Variants in CMSS1 observed in about 807,000 individuals in gnomAD.
CMSS1 encodes cms1 ribosomal small subunit homolog.
CMSS1 carries 33 observed loss-of-function variants against 43.5 expected under a neutral mutation model. The ratio of observed to expected loss-of-function variants is 0.76; its 90% CI spans 0.57 to 1.01. The LOEUF is 1.01. Ranked by LOEUF, CMSS1 falls within the 50% of genes least tolerant of loss-of-function variation. CMSS1 has a pLI of 0.00. For missense variants in CMSS1, 313 were observed against 326.4 expected (o/e 0.96, Z 0.32); for synonymous variants, 115 against 117.2 (o/e 0.98, Z 0.12).
chr3:99,852,619 T>C (rs1943756496), intron 1 of CMSS1, among the ~76,000 whole-genome samples: 2 of 152,156 alleles, frequency 1.3e-5, no homozygotes, highest in South Asian at 4.2e-4. Context: ...CTAATTTTTG[T>C]ATTTTTAGTA....
intron 1 of CMSS1, among the ~76,000 whole-genome samples, chr3:100,060,437 A>G (rs568558012): frequency 2.0e-5 from 3 of 152,254 alleles, no homozygotes; most frequent in African/African-American, 7.2e-5. Context: ...AAGTATGCCA[A>G]TGCCCTAAAC....
intron 1 of CMSS1, among the ~76,000 whole-genome samples, chr3:99,867,549 G>A (rs1174077520): frequency 1.3e-5 from 2 of 152,170 alleles, no homozygotes; most frequent in African/African-American, 4.8e-5. Context: ...TGATGGACAG[G>A]AAATGTTGGA....
chr3:99,877,443 T>C (rs1705572783), intron 1 of CMSS1, among the ~76,000 whole-genome samples: 1 of 152,184 alleles, frequency 6.6e-6, no homozygotes, highest in Non-Finnish European at 1.5e-5. Flanking sequence ...CAACATTAAA[T>C]GTATGTCCTC....
intron 1 of CMSS1, among the ~76,000 whole-genome samples, chr3:99,881,184 T>C (rs1314654193): frequency 1.3e-5 from 2 of 152,172 alleles, no homozygotes; most frequent in Non-Finnish European, 2.9e-5. Context: ...AGCATACTAG[T>C]AGGTAAGTAG....
chr3:100,057,461 G>A (rs2065484894), intron 1 of CMSS1, among the ~76,000 whole-genome samples: 1 of 152,226 alleles, frequency 6.6e-6, no homozygotes, highest in East Asian at 1.9e-4. Flanking sequence ...CAGAGTTGCT[G>A]CGGTTTCTCC....
At chr3:99,867,207 G>T (rs1433611756) in intron 1 of CMSS1, among the ~76,000 whole-genome samples, 1 of 152,104 alleles carries the variant, frequency 6.6e-6, no homozygotes, top group Admixed American at 6.5e-5. Flanking sequence ...TCTTGGCCCT[G>T]GGTCTGCTGC....
In CMSS1 at chr3:99,978,586, G is replaced by C. The variant is rs141616791; in HGVS notation, c.64+160543G>C. Among the ~76,000 whole-genome samples, 624 of 152,280 alleles carry C rather than the reference G, an allele frequency of 4.1e-3. 4 individuals carry two copies. Among genetic ancestry groups the C allele is most frequent in the Non-Finnish European group, 6.5e-3 (441 of 68,018 alleles). ...TCATTCATATGTGGAAGCTAAAAAA[G>C]TCGATCTCATAGAAGTAGGGAGTAG... On this transcript the variant is annotated intron_variant, in intron 1 of 9. Transcript: ENST00000421999.
chr3:100,118,781 A>G (rs1384772678), intron 1 of CMSS1, among the ~76,000 whole-genome samples: 1 of 152,156 alleles, frequency 6.6e-6, no homozygotes, highest in African/African-American at 2.4e-5. Flanking sequence ...AGGTATCTGT[A>G]TGGGGAGGAA....
intron 1 of CMSS1, among the ~76,000 whole-genome samples, chr3:99,824,259 G>A (rs767012581): frequency 1.2e-4 from 18 of 152,198 alleles, no homozygotes; most frequent in Middle Eastern, 3.4e-3. Flanking sequence ...CAGTTCAAAC[G>A]TCACCTACTC....
intron 1 of CMSS1, among the ~76,000 whole-genome samples, chr3:99,899,281 A>G (rs939945118): frequency 6.6e-6 from 1 of 152,236 alleles, no homozygotes; most frequent in Non-Finnish European, 1.5e-5. Context: ...TTTCAAAAGC[A>G]GATTTTTGGT....
At chr3:99,896,077 C>T (rs1229767434) in intron 1 of CMSS1, among the ~76,000 whole-genome samples, 1 of 151,938 alleles carries the variant, frequency 6.6e-6, no homozygotes, top group Non-Finnish European at 1.5e-5. Flanking sequence ...ACACATCCTT[C>T]TTCACATATG....
intron 1 of CMSS1, among the ~76,000 whole-genome samples, chr3:100,068,574 T>C (rs2065706922): frequency 6.6e-6 from 1 of 152,204 alleles, no homozygotes; most frequent in South Asian, 2.1e-4. Context: ...TAATACATAG[T>C]ATATGTATCA....
chr3:100,071,025 A>C (rs1175037680), intron 1 of CMSS1, among the ~76,000 whole-genome samples: 1 of 151,814 alleles, frequency 6.6e-6, no homozygotes, highest in African/African-American at 2.4e-5. Flanking sequence ...TATACAGAAA[A>C]AAATAAGCCA....
At chr3:99,981,740 T>A (rs1232094741) in intron 1 of CMSS1, among the ~76,000 whole-genome samples, 1 of 152,194 alleles carries the variant, frequency 6.6e-6, no homozygotes. Flanking sequence ...CCAAATTGCG[T>A]GCTATTTTCT....
intron 1 of CMSS1, among the ~76,000 whole-genome samples, chr3:99,952,042 C>T (rs1228926905): frequency 6.6e-6 from 1 of 152,148 alleles, no homozygotes; most frequent in African/African-American, 2.4e-5. Context: ...TTCCAGTGGA[C>T]CATATGTAAC....
chr3:100,147,147 T>A, intron 2 of CMSS1, 86 bp downstream of exon 2: 1 of 1,414,960 alleles, frequency 7.1e-7, no homozygotes, highest in Non-Finnish European at 9.6e-7. Flanking sequence ...CATGTCCTAA[T>A]ATCGGTTGTT....
intron 1 of CMSS1, among the ~76,000 whole-genome samples, chr3:99,899,286 T>C (rs1335962842): frequency 1.3e-5 from 2 of 152,234 alleles, no homozygotes; most frequent in Non-Finnish European, 2.9e-5. Context: ...AAAGCAGATT[T>C]TTGGTTTCCA....
intron 1 of CMSS1, among the ~76,000 whole-genome samples, chr3:100,021,244 G>A (rs2064811719): frequency 6.6e-6 from 1 of 152,176 alleles, no homozygotes; most frequent in Non-Finnish European, 1.5e-5. Context: ...TGAATTTCTA[G>A]TGACACCCTA....
chr3:100,171,714 C>A, intron 6 of CMSS1, 125 bp from the exon 7 acceptor site: 2 of 730,144 alleles, frequency 2.7e-6, no homozygotes, highest in Non-Finnish European at 4.8e-6. Context: ...TTTGTATGTA[C>A]ATATGCACAT....
Sources: allele counts gnomAD v4.1 joint callset (sites outside exome capture counted in the v4.1 genomes callset), GRCh38; gene constraint gnomAD v4.1.1; transcripts MANE v1.5; gene names NCBI Gene and HGNC (gene_info 2026-07-23, HGNC 2026-07-21).